The following COLQ variants were observed in gnomAD, a reference collection of about 807,000 sequenced individuals.
COLQ encodes the protein collagen like tail subunit of asymmetric acetylcholinesterase.
A neutral mutation model predicts 69.0 loss-of-function variants in COLQ; 48 were observed. That is an observed-to-expected ratio of 0.70 (90% CI 0.55 to 0.88). COLQ has a LOEUF of 0.88. COLQ is among the 40% of genes least tolerant of loss of function. COLQ has a pLI of 0.00. For missense variants in COLQ, 618 were observed against 594.6 expected (o/e 1.04, Z -0.41); for synonymous variants, 217 against 211.2 (o/e 1.03, Z -0.24).
chr3:15,497,155 T>G (rs1291496216), intron 1 of COLQ, among the ~76,000 whole-genome samples: 1 of 149,824 alleles, frequency 6.7e-6, no homozygotes, highest in Non-Finnish European at 1.5e-5. Flanking sequence ...GCCACTCTCA[T>G]GCCTCAGTCT....
intron 1 of COLQ, among the ~76,000 whole-genome samples, chr3:15,518,311 TATC>T (rs1452666969): frequency 4.6e-5 from 7 of 152,146 alleles, no homozygotes; most frequent in East Asian, 3.9e-4. Context: ...TAATCATTCT[TATC>T]ATCCGTCATT....
intron 11 of COLQ, chr3:15,468,010 A>G: frequency 2.2e-6 from 1 of 455,644 alleles, no homozygotes; most frequent in Non-Finnish European, 4.4e-6. Context: ...TGCAGTAACC[A>G]AGCTGGGTCT....
At chr3:15,486,508 G>A (rs2062577421) in intron 3 of COLQ, among the ~76,000 whole-genome samples, 1 of 152,218 alleles carries the variant, frequency 6.6e-6, no homozygotes, top group Non-Finnish European at 1.5e-5. Flanking sequence ...GGTTAGAGAT[G>A]TGTGTGACCA....
chr3:15,483,444 T>G (rs543918879), intron 3 of COLQ, among the ~76,000 whole-genome samples: 1 of 152,350 alleles, frequency 6.6e-6, no homozygotes, highest in African/African-American at 2.4e-5. Flanking sequence ...AAGAACATTT[T>G]TATTTCTGCC....
At chr3:15,453,324 A>G (rs1378571466) in intron 16 of COLQ, among the ~76,000 whole-genome samples, 1 of 152,240 alleles carries the variant, frequency 6.6e-6, no homozygotes, top group Non-Finnish European at 1.5e-5. Flanking sequence ...TGGAGGGGCC[A>G]TGAGCTTGCA....
At chr3:15,467,944 C>T (rs2062225147) in intron 11 of COLQ, 1 of 456,626 alleles carries the variant, frequency 2.2e-6, no homozygotes. Context: ...GAGTTTATTT[C>T]TGATTCCATG....
intron 2 of COLQ, among the ~76,000 whole-genome samples, 196 bp from the exon 3 acceptor site, chr3:15,488,503 CTT>C (rs2062613718): frequency 1.3e-5 from 2 of 152,076 alleles, no homozygotes; most frequent in Non-Finnish European, 2.9e-5. Context: ...ACGAACCTGG[CTT>C]GTATGGATTA....
At chr3:15,452,884 C>T (rs965375645) in intron 16 of COLQ, among the ~76,000 whole-genome samples, 20 of 152,218 alleles carry the variant, frequency 1.3e-4, no homozygotes, top group African/African-American at 4.8e-4. Context: ...AATGGAGAGA[C>T]AGGCATGGCT....
chr3:15,474,909 C>G lies in COLQ; in HGVS notation c.555+16G>C, dbSNP rs1404195095. On this transcript the variant is annotated intron_variant, in intron 8 of 16. Transcript: ENST00000383788. ...CCAGACCAGGCTCTAGGACACCATC[C>G]AAGAAAAGCACTAACCTTTTCCCCT... 1 of 1,613,908 alleles carries G rather than the reference C, an allele frequency of 6.2e-7. No individual in the cohort carries two copies. Among genetic ancestry groups the G allele is most frequent in the Admixed American group, 1.7e-5 (1 of 60,006 alleles).
rs558318242 is a variant in COLQ, at chr3:15,484,590, T to C, written c.321+3616A>G. ...GATTTGGTCTTTTCACATAGTCCCA[T>C]ATTTCTTGGAGGCTTTGTTCATTTC... On this transcript the variant is annotated intron_variant, in intron 3 of 16. Coordinates refer to ENST00000383788, the MANE Select transcript of COLQ (RefSeq NM_005677.4). 1.5e-3 allele frequency among the ~76,000 whole-genome samples: 230 copies of C among 152,372 alleles called. 1 individual carries two copies. Among genetic ancestry groups the C allele is most frequent in the Non-Finnish European group, 2.6e-3 (177 of 68,038 alleles).
chr3:15,473,935 T>C lies in COLQ; in HGVS notation c.636+65A>G, dbSNP rs763956923. On this transcript the variant is annotated intron_variant, in intron 10 of 16. Coordinates refer to ENST00000383788, the MANE Select transcript of COLQ (RefSeq NM_005677.4). The surrounding 1 kb of genome is among the most constrained non-coding windows in gnomAD (Gnocchi z 4.0). ...GATAGACAAGGAGGCAGAGTTCTTT[T>C]TGTTGTGCTTGGAGGACCTGATATT... is the stretch of plus-strand genomic sequence containing the variant. 1.4e-5 allele frequency: 21 copies of C among 1,554,482 alleles called. 1 individual carries two copies. Among genetic ancestry groups the C allele is most frequent in the Non-Finnish European group, 1.8e-5 (20 of 1,127,404 alleles).
intron 12 of COLQ, among the ~76,000 whole-genome samples, chr3:15,464,066 C>T (rs1183602837): frequency 6.6e-6 from 1 of 152,194 alleles, no homozygotes; most frequent in Non-Finnish European, 1.5e-5. Context: ...ACAAACTTTT[C>T]TTTCTGCCTT....
At chr3:15,457,708 G>T (rs2062045612) in intron 13 of COLQ, among the ~76,000 whole-genome samples, 1 of 151,834 alleles carries the variant, frequency 6.6e-6, no homozygotes, top group African/African-American at 2.4e-5. Flanking sequence ...CGCCTCCTGG[G>T]TTCAAGCGAT....
At chr3:15,479,192 G>T in intron 4 of COLQ, 146 bp downstream of exon 4, 1 of 1,107,944 alleles carries the variant, frequency 9.0e-7, no homozygotes, top group Non-Finnish European at 1.4e-6. Flanking sequence ...TGCTGCAGCA[G>T]CCCAGCCATC....
intron 10 of COLQ, among the ~76,000 whole-genome samples, chr3:15,471,035 G>A (rs1184313432): frequency 1.3e-5 from 2 of 152,266 alleles, no homozygotes; most frequent in South Asian, 2.1e-4. Flanking sequence ...CTTACGTGCT[G>A]TTTTTAGCAC....
chr3:15,510,436 T>C (rs2062969602), intron 1 of COLQ, among the ~76,000 whole-genome samples: 1 of 151,596 alleles, frequency 6.6e-6, no homozygotes, highest in South Asian at 2.1e-4. Context: ...TGGCTGAGCA[T>C]AGTGGCTCAT....
chr3:15,520,315 C>A (rs1266575474), intron 1 of COLQ, among the ~76,000 whole-genome samples: 1 of 152,216 alleles, frequency 6.6e-6, no homozygotes, highest in African/African-American at 2.4e-5. Flanking sequence ...AATCTGCCCC[C>A]ACCTCCTTCT....
chr3:15,520,644 C>T (rs2063123801), intron 1 of COLQ, among the ~76,000 whole-genome samples: 1 of 152,212 alleles, frequency 6.6e-6, no homozygotes, highest in Non-Finnish European at 1.5e-5. Flanking sequence ...GTCTGCCTGC[C>T]TCCTTCAAGC....
chr3:15,496,966 A>T (rs1321956065), intron 1 of COLQ, among the ~76,000 whole-genome samples: 3 of 151,840 alleles, frequency 2.0e-5, no homozygotes, highest in Non-Finnish European at 2.9e-5. Context: ...TCACTTACTC[A>T]ATCTGAAACT....
Sources: gnomAD v4.1 joint callset for allele counts (sites outside exome capture counted in the v4.1 genomes callset) on GRCh38, gnomAD v4.1.1 for gene constraint, Gnocchi (gnomAD v3.1) non-coding constraint, MANE v1.5 for transcripts, NCBI Gene and HGNC (gene_info 2026-07-23, HGNC 2026-07-21) for gene names.